KPNA3: variants seen among roughly 807,000 people sequenced by gnomAD.
KPNA3 encodes importin subunit alpha-4.
Under a neutral mutation model 73.8 loss-of-function variants are expected in KPNA3, and 13 were observed. The ratio of observed to expected loss-of-function variants is 0.18; its 90% CI spans 0.11 to 0.28. KPNA3 has a LOEUF of 0.28. Ranked by LOEUF, KPNA3 falls within the 10% of genes least tolerant of loss-of-function variation. The probability of loss-of-function intolerance (pLI) is 1.00; values close to 1 mark genes in which losing one functional copy is unlikely to be tolerated. For missense variants in KPNA3, 360 were observed against 618.1 expected, an observed-to-expected ratio of 0.58 and a Z score of 4.43; for synonymous variants, 186 against 206.9, an observed-to-expected ratio of 0.90 and a Z score of 0.87.
At chr13:49,718,656 T>C (rs1354338458) in intron 10 of KPNA3, among the ~76,000 whole-genome samples, 2 of 152,224 alleles carry the variant, frequency 1.3e-5, no homozygotes, top group African/African-American at 4.8e-5. Flanking sequence ...ATCTTATATG[T>C]CTTTTGTTAA....
At chr13:49,717,422 T>A (rs1360206358) in intron 10 of KPNA3, among the ~76,000 whole-genome samples, 1 of 107,464 alleles carries the variant, frequency 9.3e-6, no homozygotes, top group Non-Finnish European at 1.8e-5. Flanking sequence ...AGAGCAAGAC[T>A]CCATCTCGGA....
chr13:49,742,791 C>G (rs1954584772), intron 2 of KPNA3, among the ~76,000 whole-genome samples: 2 of 152,240 alleles, frequency 1.3e-5, no homozygotes, highest in Admixed American at 1.3e-4. Context: ...TTGAAGGAAG[C>G]AGTGCCTTCT....
At chr13:49,708,276 T>C (rs1399929872) in intron 12 of KPNA3, among the ~76,000 whole-genome samples, 1 of 152,230 alleles carries the variant, frequency 6.6e-6, no homozygotes, top group Non-Finnish European at 1.5e-5. Flanking sequence ...ATTACAGGCA[T>C]GAGCCACCAT....
chr13:49,777,525 G>A (rs1378259779), intron 1 of KPNA3, among the ~76,000 whole-genome samples: 1 of 151,922 alleles, frequency 6.6e-6, no homozygotes, highest in Non-Finnish European at 1.5e-5. Flanking sequence ...CTTTATTTGA[G>A]ACAGGGTCTC....
In KPNA3 at chr13:49,709,729, A is replaced by C. The variant is rs1325337986; in HGVS notation, c.904-29T>G. 11 of 1,594,286 alleles carry C rather than the reference A, an allele frequency of 6.9e-6. No homozygotes were observed. In the Admixed American group the frequency reaches 1.3e-4, roughly 19 times the overall value. The stretch of plus-strand genomic sequence containing the variant: ...GGGTGGGGATAAAATGTTTTCTATA[A>C]ATTTATTTGCTTATAAGACTAATTC... On this transcript the variant is annotated intron_variant, in intron 11 of 16. Coordinates refer to ENST00000261667, the MANE Select transcript of KPNA3 (RefSeq NM_002267.4).
chr13:49,767,434 G>A (rs1954818108), intron 1 of KPNA3, among the ~76,000 whole-genome samples: 1 of 149,650 alleles, frequency 6.7e-6, no homozygotes, highest in Non-Finnish European at 1.5e-5. Flanking sequence ...AAAAAAAGAA[G>A]AAAAAAAGAA....
intron 1 of KPNA3, among the ~76,000 whole-genome samples, chr13:49,786,669 G>T (rs575805369): frequency 3.3e-5 from 5 of 152,126 alleles, no homozygotes. Context: ...GCATGAAGAA[G>T]AAACTACTGG....
intron 1 of KPNA3, among the ~76,000 whole-genome samples, chr13:49,766,608 T>C (rs1954809773): frequency 1.3e-5 from 2 of 152,234 alleles, no homozygotes; most frequent in Non-Finnish European, 2.9e-5. Context: ...AAATTTGCTA[T>C]TTGAATGGCA....
intron 6 of KPNA3, among the ~76,000 whole-genome samples, chr13:49,728,187 A>G (rs568361396): frequency 1.3e-5 from 2 of 151,090 alleles, no homozygotes; most frequent in South Asian, 4.2e-4. Context: ...GTGAGCTGAT[A>G]TCGTGCCACT....
chr13:49,741,457 T>C (rs1188949125), intron 2 of KPNA3, among the ~76,000 whole-genome samples: 19 of 129,096 alleles, frequency 1.5e-4, no homozygotes, highest in East Asian at 4.2e-4. Context: ...TCTTTTGCCC[T>C]TTTTTTTTTT....
intron 1 of KPNA3, among the ~76,000 whole-genome samples, chr13:49,764,692 C>A (rs1197512032): frequency 1.3e-5 from 2 of 151,916 alleles, no homozygotes; most frequent in Non-Finnish European, 2.9e-5. Context: ...TATCCATCTC[C>A]TCTCTCCCAT....
intron 1 of KPNA3, among the ~76,000 whole-genome samples, chr13:49,749,495 C>G (rs559590250): frequency 1.3e-5 from 2 of 152,304 alleles, no homozygotes; most frequent in Admixed American, 6.5e-5. Flanking sequence ...AGAGAAGTTT[C>G]TGTGTCTAGA....
At chr13:49,717,958 A>G (rs992726982) in intron 10 of KPNA3, among the ~76,000 whole-genome samples, 1 of 152,078 alleles carries the variant, frequency 6.6e-6, no homozygotes, top group Admixed American at 6.6e-5. Flanking sequence ...GTTGGCTTTC[A>G]TACCATGTTT....
intron 2 of KPNA3, among the ~76,000 whole-genome samples, chr13:49,739,639 G>T (rs1954555160): frequency 6.6e-6 from 1 of 152,118 alleles, no homozygotes; most frequent in Admixed American, 6.6e-5. Flanking sequence ...TGACGGATCA[G>T]TATCTGTTAT....
intron 1 of KPNA3, among the ~76,000 whole-genome samples, chr13:49,784,398 T>C (rs969805330): frequency 3.3e-5 from 5 of 152,152 alleles, no homozygotes; most frequent in Non-Finnish European, 5.9e-5. Flanking sequence ...TTGGCTGTTG[T>C]TACAAACCTG....
At chr13:49,774,174 G>A (rs552314633) in intron 1 of KPNA3, among the ~76,000 whole-genome samples, 5 of 152,186 alleles carry the variant, frequency 3.3e-5, no homozygotes, top group African/African-American at 1.2e-4. Context: ...CAAAGTGCTA[G>A]GATTACAGGT....
intron 2 of KPNA3, among the ~76,000 whole-genome samples, chr13:49,733,584 T>C (rs1954492038): frequency 6.6e-6 from 1 of 152,170 alleles, no homozygotes; most frequent in African/African-American, 2.4e-5. Context: ...CCACTGCGCC[T>C]TGCCTATTTG....
At chr13:49,776,982 A>C (rs1954902939) in intron 1 of KPNA3, among the ~76,000 whole-genome samples, 1 of 152,198 alleles carries the variant, frequency 6.6e-6, no homozygotes, top group Non-Finnish European at 1.5e-5. Context: ...GCTGGTTTCT[A>C]CTTTTTCTCT....
At chr13:49,729,293 A>C (rs1954439761) in intron 6 of KPNA3, among the ~76,000 whole-genome samples, 1 of 152,210 alleles carries the variant, frequency 6.6e-6, no homozygotes, top group South Asian at 2.1e-4. Context: ...AAGACAGTAT[A>C]TGTTGCCTCA....
Sources: allele counts gnomAD v4.1 joint callset (sites outside exome capture counted in the v4.1 genomes callset), GRCh38; gene constraint gnomAD v4.1.1; transcripts MANE v1.5; gene names NCBI Gene and HGNC (gene_info 2026-07-23, HGNC 2026-07-21).